The following ZC3HAV1 variants were observed in gnomAD, a reference collection of about 807,000 sequenced individuals.
ZC3HAV1 encodes the protein zinc finger CCCH-type containing, antiviral 1, also known as zinc finger CCCH-type antiviral protein 1.
A neutral mutation model predicts 86.6 loss-of-function variants in ZC3HAV1; 41 were observed. The ratio of observed to expected loss-of-function variants is 0.47; its 90% confidence interval spans 0.37 to 0.61. ZC3HAV1 has a LOEUF of 0.61. Ranked by LOEUF, ZC3HAV1 falls within the 20% of genes least tolerant of loss-of-function variation. ZC3HAV1 has a pLI of 0.00. For missense variants in ZC3HAV1, 964 were observed against 1,141.1 expected, an observed-to-expected ratio of 0.84 and a Z score of 2.24; for synonymous variants, 421 against 432.1, an observed-to-expected ratio of 0.97 and a Z score of 0.32.
intron 1 of ZC3HAV1, among the ~76,000 whole-genome samples, chr7:139,102,260 A>T (rs1340939658): frequency 6.6e-6 from 1 of 152,072 alleles, no homozygotes; most frequent in Non-Finnish European, 1.5e-5. Context: ...CAGCCTCCTG[A>T]GTAACTGGGA....
intron 1 of ZC3HAV1, among the ~76,000 whole-genome samples, chr7:139,097,547 G>A (rs1160157395): frequency 6.7e-6 from 1 of 149,048 alleles, no homozygotes; most frequent in Non-Finnish European, 1.5e-5. Context: ...CCATTCTCCT[G>A]CCTCAGCCTC....
In ZC3HAV1 at chr7:139,109,497, T is replaced by C; in HGVS notation, c.-166A>G. On this transcript the variant is annotated 5_prime_UTR_variant, in exon 1 of 13. Transcript: ENST00000242351. The stretch of plus-strand genomic sequence containing the variant: ...CGTCGCCGTTAGCCCAGCCCAGCGA[T>C]CCACTCTCGGCTCTCAGGTCAAGAG... The C allele has an allele frequency of 1.2e-6, 1 of 842,522 alleles. No individual in the cohort carries two copies. Among genetic ancestry groups the C allele is most frequent in the Non-Finnish European group, 1.8e-6 (1 of 565,152 alleles). 52.2% of individuals were successfully genotyped at this position (842,522 alleles called of 1,614,324 possible).
rs1030038711 is a variant in ZC3HAV1 at position 139,090,162 on chromosome 7, C to T, written c.309-403G>A. ...TCTTGAACTCCTGACCTCAGGTGATCCATCCGCCTCAGCCTCCTAAAGTGC... is the reference window on the plus strand; with the variant it reads ...TCTTGAACTCCTGACCTCAGGTGATTCATCCGCCTCAGCCTCCTAAAGTGC... On this transcript the variant is annotated intron_variant, in intron 1 of 12. Transcript: ENST00000242351. 3.3e-5 allele frequency among the ~76,000 whole-genome samples: 5 copies of T among 152,276 alleles called. 1 individual carries two copies. Among genetic ancestry groups the T allele is most frequent in the Middle Eastern group, 3.4e-3 (1 of 294 alleles).
intron 1 of ZC3HAV1, among the ~76,000 whole-genome samples, chr7:139,094,709 G>A (rs1311612293): frequency 1.3e-5 from 2 of 152,134 alleles, no homozygotes; most frequent in South Asian, 2.1e-4. Flanking sequence ...TCTCATTCCT[G>A]GCTACACATA....
At position 139,109,326 on chromosome 7, in the gene ZC3HAV1, C is replaced by A. The variant is rs1489750050; in HGVS notation, c.6G>T (p.Ala2=). 5 of 1,581,044 alleles carry A rather than the reference C, an allele frequency of 3.2e-6. No individual in the cohort carries two copies. The highest frequency in any genetic ancestry group is 2.3e-5 in the East Asian group (1 of 44,088). The change falls in exon 1 of 13, where the codon GCG becomes GCT. Residue 2 remains alanine (A), a synonymous_variant. Coordinates refer to ENST00000242351, the MANE Select transcript of ZC3HAV1 (RefSeq NM_020119.4). M[A]DPEVCCFITK... ...TGATGAAGCAGCACACCTCCGGGTC[C>A]GCCATGGCGCGCTGGCTGTGCTGGC...
chr7:139,102,912 C>T (rs1584876280), intron 1 of ZC3HAV1, among the ~76,000 whole-genome samples: 1 of 146,636 alleles, frequency 6.8e-6, no homozygotes, highest in East Asian at 2.0e-4. Context: ...GAACAAGATC[C>T]TGTCTCAAAA....
intron 4 of ZC3HAV1, chr7:139,079,245 C>G (rs1409095141): frequency 1.3e-6 from 2 of 1,536,726 alleles, no homozygotes; most frequent in Non-Finnish European, 1.7e-6. Flanking sequence ...AGAGTGCTGA[C>G]TTGTGCAGGG....
At chr7:139,097,428 A>ATATATATT in intron 1 of ZC3HAV1, among the ~76,000 whole-genome samples, 19 of 48,158 alleles carry the variant, frequency 3.9e-4, no homozygotes, top group African/African-American at 2.0e-3. Context: ...ATATATATAT[A>ATATATATT]TTTTTTTTTT....
chr7:139,046,069 T>C lies in ZC3HAV1; in HGVS notation c.*1525A>G, dbSNP rs1479469991. ...CTAAAAGAAATTATAACAGGAAACT[T>C]TGGTGACTGGTAAGGAATGTTGAAA... is the stretch of plus-strand genomic sequence containing the variant. On this transcript the variant is annotated 3_prime_UTR_variant, in exon 13 of 13. Transcript: ENST00000242351. 1.3e-5 allele frequency: 2 copies of C among 151,902 alleles called. No homozygotes were observed. The highest frequency in any genetic ancestry group is 2.4e-5 in the African/African-American group (1 of 41,328). The allele number at this position is 151,902 out of a possible 1,614,324, so 9.4% of individuals were successfully genotyped here.
chr7:139,071,448 C>G (rs763100248), intron 7 of ZC3HAV1, among the ~76,000 whole-genome samples: 2 of 152,050 alleles, frequency 1.3e-5, no homozygotes. Context: ...GTTTGCCAAC[C>G]CTTCCCCTTT....
rs1052142809 is a variant in ZC3HAV1 at position 139,083,940 on chromosome 7, T to G, written c.537A>C (p.Arg179=). ...GGCAGTTGGGAAAACGACAGTTCCC[T>G]CGGGTGAAGTGGTCACAGATGTGGA... The part of the protein sequence containing the change: ...SRLHICDHFT[R]GNCRFPNCLR... The change falls in exon 3 of 13, where the codon CGA becomes CGC. Residue 179 remains arginine (R), a synonymous_variant. Transcript: ENST00000242351. The G allele has an allele frequency of 2.5e-6, 4 of 1,613,952 alleles. No individual in the cohort carries two copies. Among genetic ancestry groups the G allele is most frequent in the Non-Finnish European group, 3.4e-6 (4 of 1,180,012 alleles).
chr7:139,063,558 AC>A (rs1203702438), intron 8 of ZC3HAV1, among the ~76,000 whole-genome samples: 4 of 151,906 alleles, frequency 2.6e-5, no homozygotes, highest in South Asian at 2.1e-4. Context: ...CCCCATCTGT[AC>A]AAAAAAATTT....
At position 139,047,472 on chromosome 7, in the gene ZC3HAV1, T is replaced by C. The variant is rs1815993016; in HGVS notation, c.*122A>G. The C allele has an allele frequency of 2.1e-5, 29 of 1,412,332 alleles. No homozygotes were observed. The Middle Eastern group carries it at 5.4e-4, about 26-fold the overall frequency. The allele number at this position is 1,412,332 out of a possible 1,614,324, so 87.5% of individuals were successfully genotyped here. On this transcript the variant is annotated 3_prime_UTR_variant, in exon 13 of 13. Transcript: ENST00000242351. ...ATATGTAGCAAAATTTGGGGACCAC[T>C]GATCTAAGACATTAGATAACTGAGC...
intron 2 of ZC3HAV1, among the ~76,000 whole-genome samples, chr7:139,087,988 T>C (rs976381632): frequency 3.0e-5 from 4 of 135,454 alleles, no homozygotes; most frequent in African/African-American, 1.2e-4. Flanking sequence ...GCCCTGATCA[T>C]GTCATTGCAC....
At chr7:139,081,857 A>G (rs1229128794) in intron 3 of ZC3HAV1, among the ~76,000 whole-genome samples, 1 of 152,256 alleles carries the variant, frequency 6.6e-6, no homozygotes, top group African/African-American at 2.4e-5. Context: ...ATTAATTTGC[A>G]CAGAATCCTA....
rs1563140647 is a variant in ZC3HAV1 at position 139,097,422 on chromosome 7, A to ATTTTTTTTTT, written c.309-7664_309-7663insAAAAAAAAAA. ...ACTCCATATATATATATATATATAT[A>ATTTTTTTTTT]TATATATTTTTTTTTTTTTTTTTTT... On this transcript the variant is annotated intron_variant, in intron 1 of 12. Coordinates refer to ENST00000242351, the MANE Select transcript of ZC3HAV1 (RefSeq NM_020119.4). Among the ~76,000 whole-genome samples, 7 of 79,468 alleles carry ATTTTTTTTTT rather than the reference A, an allele frequency of 8.8e-5. 1 individual carries two copies. The highest frequency in any genetic ancestry group is 7.8e-5 in the African/African-American group (1 of 12,788). 52.1% of individuals were successfully genotyped at this position (79,468 alleles called of 152,430 possible).
At position 139,089,776 on chromosome 7, in the gene ZC3HAV1, C is replaced by A. The variant is rs1447199236; in HGVS notation, c.309-17G>T. ...CATAAATTCCTGGAAGAAAACACGA[C>A]AATGGTCAGTATTTCTACTACACAG... On this transcript the variant is annotated splice_polypyrimidine_tract_variant and intron_variant, in intron 1 of 12. Transcript: ENST00000242351. 6.2e-7 allele frequency: 1 copy of A among 1,602,714 alleles called. No individual in the cohort carries two copies. Among genetic ancestry groups the A allele is most frequent in the Non-Finnish European group, 8.5e-7 (1 of 1,176,012 alleles).
At chr7:139,104,050 T>C (rs1167533655) in intron 1 of ZC3HAV1, among the ~76,000 whole-genome samples, 2 of 152,204 alleles carry the variant, frequency 1.3e-5, no homozygotes, top group Non-Finnish European at 2.9e-5. Context: ...GATTGTTTAG[T>C]ATATTTTAAA....
At chr7:139,080,881 C>T (rs1412753658) in intron 3 of ZC3HAV1, among the ~76,000 whole-genome samples, 1 of 151,818 alleles carries the variant, frequency 6.6e-6, no homozygotes, top group East Asian at 1.9e-4. Flanking sequence ...TGGCTATTGA[C>T]AGATTCACAA....
Sources: allele counts gnomAD v4.1 joint callset (sites outside exome capture counted in the v4.1 genomes callset), GRCh38; gene constraint gnomAD v4.1.1; transcripts MANE v1.5; gene names NCBI Gene and HGNC (gene_info 2026-07-23, HGNC 2026-07-21).